The following TOP3A variants were observed in gnomAD, a reference collection of about 807,000 sequenced individuals.
The protein encoded by TOP3A is DNA topoisomerase 3-alpha.
Under a neutral mutation model 111.3 loss-of-function variants are expected in TOP3A, and 64 were observed. That is an observed-to-expected ratio of 0.57 (90% CI 0.47 to 0.71). The LOEUF is 0.71. Ranked by LOEUF, TOP3A falls within the 30% of genes least tolerant of loss-of-function variation. The probability of loss-of-function intolerance (pLI) is 0.00; values close to 1 mark genes in which losing one functional copy is unlikely to be tolerated. For synonymous variants in TOP3A, 484 were observed against 485.1 expected (o/e 1.00, Z 0.03); for missense variants, 1,104 against 1,285.0 (o/e 0.86, Z 2.15).
At position 18,274,975 on chromosome 17, in the gene TOP3A, A is replaced by C; in HGVS notation, c.2833T>G (p.Ser945Ala). The C allele has an allele frequency of 6.2e-7, 1 of 1,613,440 alleles. No homozygotes were observed. Among genetic ancestry groups the C allele is most frequent in the Non-Finnish European group, 8.5e-7 (1 of 1,179,762 alleles). ...TCTCCTGTCCAGGACGGGGCTCCAG[A>C]AGTCCCTGTCGGGAGAGTCAGGGGA... The part of the protein sequence containing the change: ...WVDENTAPGT[S>A]GAPSWTGDRG... Residue 945 changes from serine (S) to alanine (A), a missense_variant, in exon 19 of 19, where the codon TCT becomes GCT. Physicochemically the swap from Ser to Ala is moderately conservative, Grantham distance 99 (BLOSUM62 1). Transcript: ENST00000321105.
chr17:18,305,000 G>T, intron 5 of TOP3A, 112 bp downstream of exon 5: 1 of 834,544 alleles, frequency 1.2e-6, no homozygotes. Context: ...CAGACTGGGA[G>T]GGAGAGTACC....
intron 1 of TOP3A, among the ~76,000 whole-genome samples, chr17:18,310,009 G>A (rs1047696896): frequency 7.2e-5 from 11 of 151,730 alleles, no homozygotes; most frequent in Middle Eastern, 3.4e-3. Context: ...CACGCCCAGC[G>A]AATGTCTATA....
chr17:18,291,445 G>T (rs1040123855), intron 11 of TOP3A, among the ~76,000 whole-genome samples: 1 of 152,202 alleles, frequency 6.6e-6, no homozygotes, highest in Non-Finnish European at 1.5e-5. Flanking sequence ...GGTAATCAAT[G>T]ATTTAGTGAG....
Position 18,277,659 on chromosome 17 carries a change from C to G in TOP3A, c.2827+16G>C, listed in dbSNP as rs1196947224. On this transcript the variant is annotated intron_variant, in intron 18 of 18. Transcript: ENST00000321105. Reference sequence around the variant, plus strand: ...AAAACTGAAGGCAGGGATTCCCATGCCCCTCCCTGCCTCACCTGGAGCGGT... The same window carrying G: ...AAAACTGAAGGCAGGGATTCCCATGGCCCTCCCTGCCTCACCTGGAGCGGT... 1 of 1,591,062 alleles carries G rather than the reference C, an allele frequency of 6.3e-7. No homozygotes were observed. The highest frequency in any genetic ancestry group is 2.3e-5 in the East Asian group (1 of 44,360).
rs749419379 is a variant in TOP3A at position 18,282,700 on chromosome 17, G to A, written c.2019C>T (p.Gly673=). Residue 673 remains glycine (G), a splice_region_variant and synonymous_variant, in exon 16 of 19, where the codon GGC becomes GGT. Transcript: ENST00000321105. The part of the protein sequence containing the change: ...KDMVLKTKKN[G]GFYLSCMGFP... ...GGGGCAGAAGGCAGCGCACTCACCC[G>A]CCATTCTTCTTGGTCTTAAGGACCA... is the stretch of plus-strand genomic sequence containing the variant. 9 of 1,613,146 alleles carry A rather than the reference G, an allele frequency of 5.6e-6. No individual in the cohort carries two copies. The highest frequency in any genetic ancestry group is 4.0e-5 in the African/African-American group (3 of 74,890).
chr17:18,293,024 T>G lies in TOP3A; in HGVS notation c.1074-172A>C, dbSNP rs117969471. ...AAGTTCTGAGATGAGATGCACCCCC[T>G]CATGGGATGAAAAGCAGCTGGCTCT... On this transcript the variant is annotated intron_variant, in intron 10 of 18. Transcript: ENST00000321105. 3.0e-4 allele frequency among the ~76,000 whole-genome samples: 45 copies of G among 152,242 alleles called. No individual in the cohort carries two copies. The East Asian group carries it at 8.1e-3, about 27-fold the overall frequency.
At chr17:18,282,470 C>G (rs1264787305) in intron 16 of TOP3A, among the ~76,000 whole-genome samples, 1 of 152,188 alleles carries the variant, frequency 6.6e-6, no homozygotes, top group East Asian at 1.9e-4. Context: ...GACAAAAAAA[C>G]CCCACTATCA....
intron 18 of TOP3A, among the ~76,000 whole-genome samples, chr17:18,276,501 C>T (rs1412396353): frequency 6.6e-6 from 1 of 152,196 alleles, no homozygotes; most frequent in African/African-American, 2.4e-5. Context: ...TCTGTGCATG[C>T]CGGGCTAGTG....
intron 9 of TOP3A, among the ~76,000 whole-genome samples, chr17:18,295,129 G>A (rs572075836): frequency 7.9e-5 from 12 of 152,262 alleles, no homozygotes; most frequent in South Asian, 2.1e-4. Flanking sequence ...GATCACAAGC[G>A]TGAGCTACCA....
At chr17:18,292,414 A>G (rs1980533160) in intron 11 of TOP3A, among the ~76,000 whole-genome samples, 1 of 152,194 alleles carries the variant, frequency 6.6e-6, no homozygotes, top group South Asian at 2.1e-4. Context: ...CTAGCAGGGA[A>G]GCAGCAGGAG....
chr17:18,294,687 A>T lies in TOP3A; in HGVS notation c.1073+16T>A, dbSNP rs1980685842. 4 of 1,593,928 alleles carry T rather than the reference A, an allele frequency of 2.5e-6. No individual in the cohort carries two copies. In the African/African-American group the frequency reaches 5.4e-5, roughly 21 times the overall value. ...AAAGACGGTTCAAATTCTACTCCCAAACCCAAAATACTTACCCTTGAGTGT... is the reference window on the plus strand; with the variant it reads ...AAAGACGGTTCAAATTCTACTCCCATACCCAAAATACTTACCCTTGAGTGT... On this transcript the variant is annotated intron_variant, in intron 10 of 18. Transcript: ENST00000321105.
chr17:18,309,323 C>T (rs1366038126), intron 1 of TOP3A, among the ~76,000 whole-genome samples: 1 of 152,214 alleles, frequency 6.6e-6, no homozygotes, highest in African/African-American at 2.4e-5. Flanking sequence ...CAAAAAGTTA[C>T]AGAGTTATCA....
At position 18,277,786 on chromosome 17, in the gene TOP3A, G is replaced by A. The variant is rs113650896; in HGVS notation, c.2716C>T (p.Arg906Trp). Residue 906 changes from arginine (R) to tryptophan (W), a missense_variant, in exon 18 of 19, where the codon CGG (arginine) becomes TGG (tryptophan). By Grantham distance (101) the Arg-to-Trp change is moderately radical. Transcript: ENST00000321105. ...TTGGGTCCATCCTTCTGCACAGTCC[G>A]TGTGACGGAGGGCTGGCTGCAAAGG... ...SCLCSQPSVT[R>W]TVQKDGPNKG... 50 of 1,614,218 alleles carry A rather than the reference G, an allele frequency of 3.1e-5. No homozygotes were observed. Among genetic ancestry groups the A allele is most frequent in the African/African-American group, 2.0e-4 (15 of 75,072 alleles).
At chr17:18,308,240 AAAAAAAAAAAAAAAAAAAATTACCCAGT>A (rs1567752340) in intron 3 of TOP3A, 83 bp downstream of exon 3, 2 of 186,704 alleles carry the variant, frequency 1.1e-5, no homozygotes, top group Non-Finnish European at 2.0e-5. Flanking sequence ...AAAAAAAAAA[AAAAAAAAAAAAAAAAAAAATTACCCAGT>A]AAGATCAACA....
In TOP3A at chr17:18,290,552, C is replaced by T; in HGVS notation, c.1597+5G>A. On this transcript the variant is annotated splice_donor_5th_base_variant and intron_variant, in intron 13 of 18. Transcript: ENST00000321105. ...AGATGCGAGTTACCCAGAGGAGCCACTGACCAATGCCATGCTTCTCCATGA... is the reference window on the plus strand; with the variant it reads ...AGATGCGAGTTACCCAGAGGAGCCATTGACCAATGCCATGCTTCTCCATGA... 6.4e-7 allele frequency: 1 copy of T among 1,572,688 alleles called. No homozygotes were observed. The highest frequency in any genetic ancestry group is 8.6e-7 in the Non-Finnish European group (1 of 1,158,208).
In TOP3A at chr17:18,290,589, T is replaced by A; in HGVS notation, c.1565A>T (p.Asp522Val). ...TSPPKLLTEADLIALMEKHGI... is the reference protein window; with the variant it reads ...TSPPKLLTEAVLIALMEKHGI... ...ATGCTTCTCCATGAGGGCAATGAGG[T>A]CGGCCTCGGTGAGCAGCTTGGGTGG... The change falls in exon 13 of 19, where the codon GAC becomes GTC. Residue 522 changes from aspartate (D) to valine (V), a missense_variant. Coordinates refer to ENST00000321105, the MANE Select transcript of TOP3A (RefSeq NM_004618.5). 6.2e-7 allele frequency: 1 copy of A among 1,607,170 alleles called. No homozygotes were observed. The highest frequency in any genetic ancestry group is 8.5e-7 in the Non-Finnish European group (1 of 1,176,036).
At position 18,271,667 on chromosome 17, in the gene TOP3A, C is replaced by T. The variant is rs1979001690; in HGVS notation, c.*3135G>A. 1 of 328,772 alleles carries T rather than the reference C, an allele frequency of 3.0e-6. No homozygotes were observed. The highest frequency in any genetic ancestry group is 5.8e-6 in the Non-Finnish European group (1 of 171,612). 20.4% of individuals were successfully genotyped at this position (328,772 alleles called of 1,614,324 possible). A position where few individuals can be genotyped will look rare whatever the true frequency, so the allele number is the denominator to read the frequency against. ...TCCTGCAGTTTGCTTTTGAGACACA[C>T]AGTTGCCTGCAGAGATGTGAAAACC... On this transcript the variant is annotated 3_prime_UTR_variant, in exon 19 of 19. Transcript: ENST00000321105.
chr17:18,314,679 G>T lies in TOP3A; in HGVS notation c.100C>A (p.Arg34=), dbSNP rs28362619. The T allele has an allele frequency of 1.9e-5, 30 of 1,612,792 alleles. No individual in the cohort carries two copies. In the East Asian group the frequency reaches 6.7e-4, roughly 36 times the overall value. The stretch of plus-strand genomic sequence containing the variant: ...TTTTCGGCCACACAGAGGACTTTCC[G>T]CACGCCTCGGAGGGCCATCTCCATG... ...AAMEMALRGV[R]KVLCVAEKND... The change falls in exon 1 of 19, where the codon CGG becomes AGG. Residue 34 remains arginine (R), a synonymous_variant. Coordinates refer to ENST00000321105, the MANE Select transcript of TOP3A (RefSeq NM_004618.5).
rs2273030 is a variant in TOP3A, at chr17:18,314,850, A to C, written c.-72T>G. 0.33 allele frequency: 420,060 copies of C among 1,290,418 alleles called. 71,480 individuals are homozygous for C. The highest frequency in any genetic ancestry group is 0.6 in the African/African-American group (38,261 of 63,614). The allele number at this position is 1,290,418 out of a possible 1,614,324, so 79.9% of individuals were successfully genotyped here. A position where few individuals can be genotyped will look rare whatever the true frequency, so the allele number is the denominator to read the frequency against. ...TGGGGAAGCCAGAGATGAGGCTCAAATGGCGCCCACCGAAAGGGAACCAGA... is the reference window on the plus strand; with the variant it reads ...TGGGGAAGCCAGAGATGAGGCTCAACTGGCGCCCACCGAAAGGGAACCAGA... On this transcript the variant is annotated 5_prime_UTR_variant, in exon 1 of 19. Coordinates refer to ENST00000321105, the MANE Select transcript of TOP3A (RefSeq NM_004618.5).
Sources: gnomAD v4.1 joint callset for allele counts (sites outside exome capture counted in the v4.1 genomes callset) on GRCh38, gnomAD v4.1.1 for gene constraint, MANE v1.5 for transcripts, NCBI Gene and HGNC (gene_info 2026-07-23, HGNC 2026-07-21) for gene names.